The following KANSL3 variants were observed in gnomAD, a reference collection of about 807,000 sequenced individuals.
KANSL3 encodes NSL complex protein NSL3.
Under a neutral mutation model 89.2 loss-of-function variants are expected in KANSL3, and 16 were observed. That is an observed-to-expected ratio of 0.18 (90% confidence interval 0.12 to 0.27). The LOEUF is 0.27. Ranked by LOEUF, KANSL3 falls within the 10% of genes least tolerant of loss-of-function variation. KANSL3 has a pLI of 1.00. For missense variants in KANSL3, 879 were observed against 1,110.6 expected (o/e 0.79, Z 2.96); for synonymous variants, 385 against 419.7 (o/e 0.92, Z 1.01).
At chr2:96,636,455 C>T (rs566616071) in intron 2 of KANSL3, among the ~76,000 whole-genome samples, 2 of 152,270 alleles carry the variant, frequency 1.3e-5, no homozygotes, top group South Asian at 4.1e-4. Context: ...GAAAAAGCAA[C>T]GTCTTGGGAA....
chr2:96,586,291 A>C, the KANSL3 span, among the ~76,000 whole-genome samples: 41 of 152,254 alleles, frequency 2.7e-4, no homozygotes, highest in African/African-American at 9.1e-4. Flanking sequence ...GGTGATTAAA[A>C]TACTACACAT....
chr2:96,636,329 C>G (rs2074240651), intron 2 of KANSL3, among the ~76,000 whole-genome samples: 1 of 152,182 alleles, frequency 6.6e-6, no homozygotes, highest in South Asian at 2.1e-4. Context: ...TATCACTCAT[C>G]AGGTAGTCAA....
chr2:96,615,413 CAT>C, intron 5 of KANSL3: 2 of 714,674 alleles, frequency 2.8e-6, no homozygotes, highest in Non-Finnish European at 4.2e-6. Flanking sequence ...TACTTTATCT[CAT>C]GTCTGTTTTT....
chr2:96,631,644 A>G (rs1426545860), intron 2 of KANSL3, 162 bp from the exon 3 acceptor site: 1 of 796,804 alleles, frequency 1.3e-6, no homozygotes, highest in Non-Finnish European at 2.1e-6. Flanking sequence ...TCTTTCCCAC[A>G]CTTGTCTAGA....
intron 2 of KANSL3, among the ~76,000 whole-genome samples, chr2:96,632,249 T>C (rs1573641233): frequency 1.3e-5 from 2 of 152,124 alleles, no homozygotes; most frequent in East Asian, 1.9e-4. Context: ...AGGAGGATTG[T>C]TTAAGCCCAG....
chr2:96,601,363 CG>C, intron 20 of KANSL3: 1 of 985,262 alleles, frequency 1.0e-6, no homozygotes, highest in Non-Finnish European at 1.2e-6. Context: ...AAAAATGAAA[CG>C]AAAGGAAAAG....
chr2:96,614,778 G>GAAAAAAAAAAAAAAAA (rs1434133052), intron 5 of KANSL3, among the ~76,000 whole-genome samples: 4 of 66,770 alleles, frequency 6.0e-5, no homozygotes, highest in Admixed American at 1.7e-4. Context: ...TCAAAAAAAA[G>GAAAAAAAAAAAAAAAA]AAAAAAAAAA....
At chr2:96,593,155 C>A, downstream of KANSL3, 1 of 435,970 alleles carries the variant, frequency 2.3e-6, no homozygotes, top group South Asian at 1.6e-5. Flanking sequence ...TGAAAAGAAG[C>A]TGAAGCAATC....
At position 96,628,935 on chromosome 2, in the gene KANSL3, G is replaced by A. The variant is rs117919172; in HGVS notation, c.386+2377C>T. ...TTACTGCCCTTAATTAAGGCAGAGG[G>A]TATGGTAGTTGAGAACACTGGGTTC... On this transcript the variant is annotated intron_variant, in intron 3 of 20. Coordinates refer to ENST00000431828, the MANE Select transcript of KANSL3 (RefSeq NM_001115016.3). 2.6e-3 allele frequency among the ~76,000 whole-genome samples: 399 copies of A among 152,272 alleles called. 7 individuals carry two copies. In the East Asian group the frequency reaches 0.057, roughly 22 times the overall value.
intron 12 of KANSL3, 120 bp from the exon 13 acceptor site, chr2:96,609,184 C>G (rs2068470552): frequency 1.1e-6 from 1 of 916,762 alleles, no homozygotes. Flanking sequence ...TGTGCCAGTC[C>G]TTCCCCACTC....
chr2:96,627,797 GA>G, intron 3 of KANSL3: 1 of 643,434 alleles, frequency 1.6e-6, no homozygotes, highest in East Asian at 6.6e-5. Context: ...AATCAGAGCA[GA>G]AGGAACTGCA....
At chr2:96,604,426 G>T in intron 16 of KANSL3, 46 bp from the exon 17 acceptor site, 1 of 1,590,102 alleles carries the variant, frequency 6.3e-7, no homozygotes, top group African/African-American at 1.3e-5. Flanking sequence ...TCACAGGACA[G>T]CAAGCCCTAG....
intron 2 of KANSL3, 88 bp downstream of exon 2, chr2:96,636,833 C>T: frequency 8.9e-7 from 1 of 1,121,592 alleles, no homozygotes. Context: ...ACAATCTCCC[C>T]CAGTCAATCC....
At chr2:96,635,843 A>T (rs967930847) in intron 2 of KANSL3, among the ~76,000 whole-genome samples, 1 of 152,080 alleles carries the variant, frequency 6.6e-6, no homozygotes, top group Non-Finnish European at 1.5e-5. Context: ...AAAATACAAA[A>T]ATTAGCCAGG....
In KANSL3 at chr2:96,619,403, T is replaced by A; in HGVS notation, c.619A>T (p.Met207Leu). Reference protein sequence around the residue: ...TTLVETLSLPMLAAYLDALQT... With the variant: ...TTLVETLSLPLLAAYLDALQT... Reference sequence around the variant, plus strand: ...AAAGCATCCAGGTAGGCTGCCAGCATGGGCAGACTCAAGGTCTCCACAAGG... The same window carrying A: ...AAAGCATCCAGGTAGGCTGCCAGCAAGGGCAGACTCAAGGTCTCCACAAGG... Residue 207 changes from methionine to leucine, a missense_variant, in exon 5 of 21, where the codon ATG (methionine) becomes TTG (leucine). Met to Leu is a conservative substitution (Grantham distance 15). Transcript: ENST00000431828. The A allele has an allele frequency of 1.2e-6, 2 of 1,613,652 alleles. No homozygotes were observed. Among genetic ancestry groups the A allele is most frequent in the African/African-American group, 1.3e-5 (1 of 75,062 alleles).
intron 20 of KANSL3, among the ~76,000 whole-genome samples, chr2:96,596,938 T>C (rs1313178748): frequency 6.6e-6 from 1 of 152,214 alleles, no homozygotes; most frequent in African/African-American, 2.4e-5. Flanking sequence ...GTCTGTCCTC[T>C]TCCTCCCTGC....
At position 96,601,785 on chromosome 2, in the gene KANSL3, A is replaced by G; in HGVS notation, c.2483-9T>C. ...GGTGGGGACCTTCAAGCCTGAGATAAAGAGAGAGAAGCAGAATTTTTGAGT... is the reference window on the plus strand; with the variant it reads ...GGTGGGGACCTTCAAGCCTGAGATAGAGAGAGAGAAGCAGAATTTTTGAGT... On this transcript the variant is annotated splice_polypyrimidine_tract_variant and intron_variant, in intron 19 of 20. Coordinates refer to ENST00000431828, the MANE Select transcript of KANSL3 (RefSeq NM_001115016.3). 6.5e-7 allele frequency: 1 copy of G among 1,545,618 alleles called. No individual in the cohort carries two copies. Among genetic ancestry groups the G allele is most frequent in the Non-Finnish European group, 8.7e-7 (1 of 1,148,122 alleles).
Position 96,611,044 on chromosome 2 carries a change from C to T in KANSL3, c.1161+20G>A. On this transcript the variant is annotated intron_variant, in intron 10 of 20. Transcript: ENST00000431828. ...CTCCCACTGCCAATGACCCAGCACT[C>T]AGCTTTACCACATTCTTACCCCTCT... The T allele has an allele frequency of 1.2e-6, 2 of 1,613,024 alleles. No individual in the cohort carries two copies. Among genetic ancestry groups the T allele is most frequent in the Non-Finnish European group, 1.7e-6 (2 of 1,178,980 alleles).
At position 96,595,042 on chromosome 2, in the gene KANSL3, T is replaced by C. The variant is rs1391834393; in HGVS notation, c.*569A>G. 2 of 152,416 alleles carry C rather than the reference T, an allele frequency of 1.3e-5. No individual in the cohort carries two copies. The highest frequency in any genetic ancestry group is 2.4e-5 in the African/African-American group (1 of 41,416). The allele number at this position is 152,416 out of a possible 1,614,324, so 9.4% of individuals were successfully genotyped here. A position where few individuals can be genotyped will look rare whatever the true frequency, so the allele number is the denominator to read the frequency against. ...GCAAGCTACTCAGTATCTGACGTGG[T>C]TTCTAAGGTGGAGTTGCATGGGGAG... On this transcript the variant is annotated 3_prime_UTR_variant, in exon 21 of 21. Coordinates refer to ENST00000431828, the MANE Select transcript of KANSL3 (RefSeq NM_001115016.3).
Sources: gnomAD v4.1 joint callset for allele counts (sites outside exome capture counted in the v4.1 genomes callset) on GRCh38, gnomAD v4.1.1 for gene constraint, MANE v1.5 for transcripts, NCBI Gene and HGNC (gene_info 2026-07-23, HGNC 2026-07-21) for gene names.